The following DCC variants were observed in gnomAD, a reference collection of about 807,000 sequenced individuals.
DCC encodes DCC netrin 1 receptor.
Under a neutral mutation model 172.5 loss-of-function variants are expected in DCC, and 58 were observed. The observed-to-expected ratio is 0.34, with a 90% CI of 0.27 to 0.42. The LOEUF is 0.42. DCC is among the 10% of genes least tolerant of loss of function. The probability of loss-of-function intolerance (pLI) is 1.00; values close to 1 mark genes in which losing one functional copy is unlikely to be tolerated. For missense variants in DCC, 1,740 were observed against 1,791.0 expected (o/e 0.97, Z 0.51); for synonymous variants, 709 against 644.5 (o/e 1.10, Z -1.52).
intron 2 of DCC, among the ~76,000 whole-genome samples, chr18:52,827,725 C>T (rs1307386365): frequency 6.6e-6 from 1 of 152,206 alleles, no homozygotes; most frequent in African/African-American, 2.4e-5. Flanking sequence ...GTCATTTCTT[C>T]TCTAGAAAAA....
intron 12 of DCC, among the ~76,000 whole-genome samples, chr18:53,272,114 G>A (rs1170133625): frequency 6.6e-6 from 1 of 152,054 alleles, no homozygotes; most frequent in African/African-American, 2.4e-5. Flanking sequence ...GCAGAACTGA[G>A]TAATTTGTTT....
intron 2 of DCC, among the ~76,000 whole-genome samples, chr18:52,866,037 A>C (rs190733274): frequency 6.6e-6 from 1 of 152,314 alleles, no homozygotes; most frequent in African/African-American, 2.4e-5. Context: ...CTTACATTTA[A>C]ATATTTAATC....
chr18:53,511,905 G>C (rs1281084300), intron 27 of DCC, among the ~76,000 whole-genome samples: 2 of 152,228 alleles, frequency 1.3e-5, no homozygotes, highest in Admixed American at 1.3e-4. Flanking sequence ...GCCCGCCATT[G>C]CCCAGGCTTG....
rs1459336811 is a variant in DCC at position 52,668,676 on chromosome 18, T to G, written c.92-83378T>G. On this transcript the variant is annotated intron_variant, in intron 1 of 28. Transcript: ENST00000442544. The stretch of plus-strand genomic sequence containing the variant: ...GAGTAATGGCTTTTTCTTTGTGAAC[T>G]TCTCAAATAATGGAAGCCTTGGTTA... Among the ~76,000 whole-genome samples, 4 of 152,238 alleles carry G rather than the reference T, an allele frequency of 2.6e-5. No individual in the cohort carries two copies. The East Asian group carries it at 7.7e-4, about 29-fold the overall frequency.
intron 8 of DCC, 76 bp from the exon 9 acceptor site, chr18:53,178,886 C>T (rs1481012305): frequency 2.0e-5 from 31 of 1,541,138 alleles, no homozygotes; most frequent in Non-Finnish European, 2.7e-5. Flanking sequence ...CCTCACTACT[C>T]TTGCACATCA....
rs373392300 is a variant in DCC, at chr18:52,679,174, T to A, written c.92-72880T>A. On this transcript the variant is annotated intron_variant, in intron 1 of 28. Coordinates refer to ENST00000442544, the MANE Select transcript of DCC (RefSeq NM_005215.4). ...AGAAGCAAAGGAACTTCACTATAAA[T>A]AATAACATTTAGTAAGTGGTGATAT... is the stretch of plus-strand genomic sequence containing the variant. Among the ~76,000 whole-genome samples the A allele has an allele frequency of 5.3e-5, 8 of 152,192 alleles. No homozygotes were observed. In the East Asian group the frequency reaches 7.7e-4, roughly 15 times the overall value.
intron 19 of DCC, among the ~76,000 whole-genome samples, chr18:53,403,967 A>C (rs144465705): frequency 6.6e-6 from 1 of 152,334 alleles, no homozygotes; most frequent in East Asian, 1.9e-4. Context: ...TCGAGCTGAC[A>C]AATATGGAAA....
At chr18:52,835,881 AAAAAT>A (rs1304580953) in intron 2 of DCC, among the ~76,000 whole-genome samples, 1 of 152,232 alleles carries the variant, frequency 6.6e-6, no homozygotes, top group African/African-American at 2.4e-5. Context: ...CACCATGAGA[AAAAAT>A]AAAATTTGTT....
intron 8 of DCC, among the ~76,000 whole-genome samples, chr18:53,175,882 C>T (rs1433946812): frequency 6.6e-6 from 1 of 152,114 alleles, no homozygotes; most frequent in Non-Finnish European, 1.5e-5. Context: ...GAATCCTAAG[C>T]CAAAAGAACA....
In DCC at chr18:53,318,752, G is replaced by GGTTTTTTTTT. The variant is rs1555651814; in HGVS notation, c.2054-3295_2054-3294insGTTTTTTTTT. On this transcript the variant is annotated intron_variant, in intron 13 of 28. Coordinates refer to ENST00000442544, the MANE Select transcript of DCC (RefSeq NM_005215.4). The stretch of plus-strand genomic sequence containing the variant: ...ATTATATAATGCCCTTCTTCGTTGG[G>GGTTTTTTTTT]TTTTTTTTTTTTTTTTTTTGTGATC... 4.5e-5 allele frequency among the ~76,000 whole-genome samples: 6 copies of GGTTTTTTTTT among 132,158 alleles called. 1 individual carries two copies. Among genetic ancestry groups the GGTTTTTTTTT allele is most frequent in the Non-Finnish European group, 4.7e-5 (3 of 63,692 alleles). 86.7% of individuals were successfully genotyped at this position (132,158 alleles called of 152,430 possible).
At chr18:52,361,268 A>G (rs953100863) in intron 1 of DCC, among the ~76,000 whole-genome samples, 9 of 152,110 alleles carry the variant, frequency 5.9e-5, no homozygotes, top group Admixed American at 2.0e-4. Context: ...AATAAACCAC[A>G]ATTTATTTGT....
intron 13 of DCC, among the ~76,000 whole-genome samples, chr18:53,306,095 A>C (rs2057197125): frequency 6.6e-6 from 1 of 152,254 alleles, no homozygotes; most frequent in Middle Eastern, 3.4e-3. Context: ...ACCAATATTC[A>C]GGGGTGAGAA....
chr18:52,400,417 T>C (rs12970400), intron 1 of DCC, among the ~76,000 whole-genome samples: 64,721 of 151,780 alleles, frequency 0.43, 14,014 homozygotes, highest in African/African-American at 0.46. Flanking sequence ...TTAGTTAGAA[T>C]GGCGATTATT....
chr18:53,237,750 A>G (rs2056227838), intron 12 of DCC, among the ~76,000 whole-genome samples: 1 of 152,210 alleles, frequency 6.6e-6, no homozygotes, highest in Non-Finnish European at 1.5e-5. Context: ...GTTTTACAAA[A>G]TCATTATTGA....
chr18:52,385,524 A>C (rs1181462714), intron 1 of DCC, among the ~76,000 whole-genome samples: 1 of 152,044 alleles, frequency 6.6e-6, no homozygotes, highest in Non-Finnish European at 1.5e-5. Context: ...ACACTTTTAG[A>C]GCAGCTAGTT....
intron 1 of DCC, among the ~76,000 whole-genome samples, chr18:52,394,723 T>C (rs934666843): frequency 2.0e-5 from 3 of 152,044 alleles, no homozygotes; most frequent in Admixed American, 2.0e-4. Flanking sequence ...GTACTAGGCT[T>C]AGTCAAATTG....
intron 2 of DCC, among the ~76,000 whole-genome samples, chr18:52,875,281 A>G (rs1213694760): frequency 2.0e-5 from 3 of 152,100 alleles, no homozygotes; most frequent in Non-Finnish European, 2.9e-5. Context: ...TGCCAGAATC[A>G]ATAAAAATTC....
chr18:52,899,902 T>TA (rs1301736256), intron 2 of DCC, among the ~76,000 whole-genome samples: 1 of 152,202 alleles, frequency 6.6e-6, no homozygotes, highest in African/African-American at 2.4e-5. Context: ...TTAACAATGA[T>TA]ATATATTTTT....
chr18:52,866,074 G>A (rs756205204), intron 2 of DCC, among the ~76,000 whole-genome samples: 11 of 152,172 alleles, frequency 7.2e-5, no homozygotes, highest in Non-Finnish European at 1.0e-4. Flanking sequence ...TTTGTATAAG[G>A]TGTAAGGAAG....
Sources: gnomAD v4.1 joint callset for allele counts (sites outside exome capture counted in the v4.1 genomes callset) on GRCh38, gnomAD v4.1.1 for gene constraint, MANE v1.5 for transcripts, NCBI Gene and HGNC (gene_info 2026-07-23, HGNC 2026-07-21) for gene names.